DAB1: variants seen among roughly 807,000 people sequenced by gnomAD.
The protein encoded by DAB1 is disabled homolog 1.
DAB1 carries 15 observed loss-of-function variants against 64.6 expected under a neutral mutation model. The ratio of observed to expected loss-of-function variants is 0.23; its 90% CI spans 0.16 to 0.36. DAB1 has a LOEUF of 0.36. Ranked by LOEUF, DAB1 falls within the 10% of genes least tolerant of loss-of-function variation. The pLI is 1.00. For missense variants in DAB1, 596 were observed against 706.7 expected, an observed-to-expected ratio of 0.84 and a Z score of 1.78; for synonymous variants, 235 against 251.9, an observed-to-expected ratio of 0.93 and a Z score of 0.64.
chr1:57,928,979 G>T (rs1329110920), intron 5 of DAB1, among the ~76,000 whole-genome samples: 1 of 152,208 alleles, frequency 6.6e-6, no homozygotes, highest in Non-Finnish European at 1.5e-5. Context: ...GGGGTCAAAT[G>T]CTAAGAGCAT....
intron 7 of DAB1, among the ~76,000 whole-genome samples, chr1:57,576,070 G>A (rs1570642135): frequency 6.6e-6 from 1 of 152,104 alleles, no homozygotes; most frequent in South Asian, 2.1e-4. Context: ...CCCTATGATT[G>A]TTAAACCAAT....
intron 4 of DAB1, among the ~76,000 whole-genome samples, chr1:58,287,784 G>A (rs1661722174): frequency 6.6e-6 from 1 of 152,090 alleles, no homozygotes; most frequent in Non-Finnish European, 1.5e-5. Flanking sequence ...CACTTCGGGA[G>A]GCTGAGGCAG....
At chr1:57,678,622 G>T (rs1646596999) in intron 6 of DAB1, among the ~76,000 whole-genome samples, 1 of 152,084 alleles carries the variant, frequency 6.6e-6, no homozygotes, top group Non-Finnish European at 1.5e-5. Context: ...AGGCTGGAGG[G>T]TATTGTTGGA....
chr1:57,686,559 A>G (rs1382235441), intron 6 of DAB1, among the ~76,000 whole-genome samples: 1 of 152,206 alleles, frequency 6.6e-6, no homozygotes, highest in Admixed American at 6.5e-5. Context: ...CTATGAAGCC[A>G]GAATCAGTCT....
intron 4 of DAB1, among the ~76,000 whole-genome samples, chr1:58,268,098 TGATTTA>T (rs1661217486): frequency 6.6e-6 from 1 of 152,214 alleles, no homozygotes; most frequent in South Asian, 2.1e-4. Context: ...ATGAGCTATA[TGATTTA>T]CTAAAGTTAC....
intron 4 of DAB1, among the ~76,000 whole-genome samples, chr1:58,256,583 A>G (rs769933465): frequency 6.6e-5 from 10 of 152,170 alleles, no homozygotes; most frequent in Admixed American, 6.5e-5. Flanking sequence ...AATTTATGAT[A>G]TACCTACTGT....
intron 1 of DAB1, chr1:57,307,241 T>C (rs556992025): frequency 6.6e-6 from 1 of 152,382 alleles, no homozygotes; most frequent in Non-Finnish European, 1.5e-5. Context: ...GGAGATGATA[T>C]AAGCCACAGA....
chr1:57,165,468 A>G (rs978737282), intron 2 of DAB1, among the ~76,000 whole-genome samples: 1 of 152,228 alleles, frequency 6.6e-6, no homozygotes, highest in African/African-American at 2.4e-5. Flanking sequence ...ATAAGTGTTA[A>G]ATCCCATTTA....
Position 57,435,076 on chromosome 1 carries a change from T to G in DAB1, n.626-143910A>C, listed in dbSNP as rs368151498. Among the ~76,000 whole-genome samples, 22 of 140,800 alleles carry G rather than the reference T, an allele frequency of 1.6e-4. No homozygotes were observed. The East Asian group carries it at 2.3e-3, about 15-fold the overall frequency. 92.4% of individuals were successfully genotyped at this position (140,800 alleles called of 152,430 possible). A position where few individuals can be genotyped will look rare whatever the true frequency, so the allele number is the denominator to read the frequency against. Reference sequence around the variant, plus strand: ...TTTTTTTTTTTTTTTTGAGAGAGAGTCTCGCTCTGTCACCCAGGCTGGAGC... The same window carrying G: ...TTTTTTTTTTTTTTTTGAGAGAGAGGCTCGCTCTGTCACCCAGGCTGGAGC... On this transcript the variant is annotated intron_variant and non_coding_transcript_variant, in intron 7 of 20. Transcript: ENST00000485760.
At chr1:57,711,519 G>A (rs1647029452) in intron 6 of DAB1, among the ~76,000 whole-genome samples, 1 of 152,198 alleles carries the variant, frequency 6.6e-6, no homozygotes, top group Non-Finnish European at 1.5e-5. Context: ...GCAGCTGTCT[G>A]CCTGTACTCA....
chr1:57,744,988 A>C (rs1025364351), intron 6 of DAB1, among the ~76,000 whole-genome samples: 4 of 152,198 alleles, frequency 2.6e-5, no homozygotes, highest in Admixed American at 1.3e-4. Flanking sequence ...CACATTTCTT[A>C]AATGATCCAA....
intron 3 of DAB1, among the ~76,000 whole-genome samples, chr1:58,442,045 C>T (rs1478609015): frequency 6.6e-6 from 1 of 152,098 alleles, no homozygotes; most frequent in Non-Finnish European, 1.5e-5. Flanking sequence ...CAAATAACAC[C>T]CGGAAGGAAG....
intron 7 of DAB1, among the ~76,000 whole-genome samples, chr1:57,595,909 C>T (rs552773491): frequency 1.3e-5 from 2 of 152,160 alleles, no homozygotes; most frequent in African/African-American, 4.8e-5. Flanking sequence ...AGAAGCCAAG[C>T]AGATGCTGCT....
chr1:58,232,731 T>C (rs750106726), intron 4 of DAB1, among the ~76,000 whole-genome samples: 2 of 151,956 alleles, frequency 1.3e-5, no homozygotes, highest in Non-Finnish European at 2.9e-5. Flanking sequence ...TGACAGGAGA[T>C]TTGCTGATAG....
At chr1:56,999,704 A>T (rs540436720) in intron 14 of DAB1, among the ~76,000 whole-genome samples, 1 of 152,292 alleles carries the variant, frequency 6.6e-6, no homozygotes, top group South Asian at 2.1e-4. Context: ...TCCTGTGAAG[A>T]CAGCTTTTGT....
At chr1:57,185,262 G>C (rs1663416974) in intron 2 of DAB1, among the ~76,000 whole-genome samples, 1 of 152,122 alleles carries the variant, frequency 6.6e-6, no homozygotes, top group Non-Finnish European at 1.5e-5. Flanking sequence ...AGTACCCTGG[G>C]CATTCTCTCT....
intron 7 of DAB1, among the ~76,000 whole-genome samples, chr1:57,482,261 C>T (rs1316626725): frequency 3.9e-5 from 6 of 152,008 alleles, no homozygotes; most frequent in South Asian, 2.1e-4. Flanking sequence ...AAGTGTAAGA[C>T]AGTATGTAGG....
chr1:57,895,129 TAA>T (rs1178654704), intron 5 of DAB1, among the ~76,000 whole-genome samples: 1 of 151,204 alleles, frequency 6.6e-6, no homozygotes, highest in Non-Finnish European at 1.5e-5. Flanking sequence ...TCTTAAAAAA[TAA>T]GTCCTTTTCA....
At chr1:57,015,764 C>T (rs1012739975) in intron 11 of DAB1, among the ~76,000 whole-genome samples, 1 of 152,342 alleles carries the variant, frequency 6.6e-6, no homozygotes, top group Non-Finnish European at 1.5e-5. Context: ...GGATGGAAGG[C>T]AGGCCTCCTG....
Sources: allele counts gnomAD v4.1 joint callset (sites outside exome capture counted in the v4.1 genomes callset), GRCh38; gene constraint gnomAD v4.1.1; transcripts MANE v1.5; gene names NCBI Gene and HGNC (gene_info 2026-07-23, HGNC 2026-07-21).